ITCH: variants seen among roughly 807,000 people sequenced by gnomAD.
ITCH encodes itchy E3 ubiquitin protein ligase.
Under a neutral mutation model 126.8 loss-of-function variants are expected in ITCH, and 28 were observed. That is an observed-to-expected ratio of 0.22 (90% confidence interval 0.16 to 0.30). The LOEUF (loss-of-function observed/expected upper bound fraction) is 0.30. Among genes scored for constraint, ITCH ranks in the 10% least tolerant of loss-of-function variants. The pLI, the probability that ITCH is intolerant of heterozygous loss-of-function variation, is 1.00. For synonymous variants in ITCH, 342 were observed against 340.0 expected (o/e 1.01, Z -0.06); for missense variants, 631 against 1,032.4 (o/e 0.61, Z 5.33).
intron 2 of ITCH, among the ~76,000 whole-genome samples, chr20:34,379,594 C>CTTTT (rs757940621): frequency 7.4e-6 from 1 of 135,534 alleles, no homozygotes. Flanking sequence ...AATATTTGTC[C>CTTTT]TTTTTTTTTT....
intron 6 of ITCH, among the ~76,000 whole-genome samples, chr20:34,417,918 A>AC (rs553561393): frequency 1.3e-3 from 200 of 151,224 alleles, no homozygotes; most frequent in Middle Eastern, 3.4e-3. Flanking sequence ...ATTGCCAAAG[A>AC]CTAATACTAG....
chr20:34,414,885 A>C (rs1979611963), intron 6 of ITCH, among the ~76,000 whole-genome samples: 1 of 152,164 alleles, frequency 6.6e-6, no homozygotes, highest in Non-Finnish European at 1.5e-5. Flanking sequence ...ATCTTTTGAC[A>C]ATACTAATTC....
intron 12 of ITCH, among the ~76,000 whole-genome samples, chr20:34,454,817 GTTTTTTTTT>G (rs200486269): frequency 9.1e-5 from 10 of 109,536 alleles, no homozygotes; most frequent in African/African-American, 1.9e-4. Context: ...TTCTTTTCCT[GTTTTTTTTT>G]TTTTTTTTTT....
At chr20:34,385,189 A>ATG (rs150658162) in intron 2 of ITCH, among the ~76,000 whole-genome samples, 3,223 of 100,906 alleles carry the variant, frequency 0.032, 97 homozygotes, top group African/African-American at 0.04. Context: ...AGCTAATTTT[A>ATG]TGTGTGTGTG....
intron 7 of ITCH, among the ~76,000 whole-genome samples, chr20:34,434,087 G>C (rs1233530683): frequency 6.6e-6 from 1 of 152,158 alleles, no homozygotes; most frequent in South Asian, 2.1e-4. Context: ...ACTAGCATGG[G>C]CAACATGGCA....
intron 7 of ITCH, among the ~76,000 whole-genome samples, chr20:34,428,411 T>A (rs900875038): frequency 6.6e-6 from 1 of 152,200 alleles, no homozygotes; most frequent in African/African-American, 2.4e-5. Context: ...TCAAGCACTG[T>A]CTGTATCATA....
At chr20:34,486,306 C>T (rs966370445) in intron 20 of ITCH, among the ~76,000 whole-genome samples, 1 of 151,932 alleles carries the variant, frequency 6.6e-6, no homozygotes, top group Non-Finnish European at 1.5e-5. Context: ...AGGCATGAGC[C>T]GCCGCATCCA....
At position 34,393,821 on chromosome 20, in the gene ITCH, A is replaced by G. The variant is rs764016207; in HGVS notation, c.10A>G (p.Ser4Gly). Reference protein sequence around the residue: MSDSGSQLGSMGSL... With the variant: MSDGGSQLGSMGSL... ...CCAACCTATTGGTGGTATGTCTGAC[A>G]GTGGATCACAACTTGGTTCAATGGG... Residue 4 changes from serine (S) to glycine (G), a missense_variant, in exon 3 of 25, where the codon AGT (serine) becomes GGT (glycine). Ser to Gly is a moderately conservative substitution (Grantham distance 56, BLOSUM62 0). Around this residue, in one of 4 missense-constraint regions of ITCH, gnomAD observed 19 missense variants for 17.5 expected, o/e 1.08. Transcript: ENST00000374864. 18 of 1,613,670 alleles carry G rather than the reference A, an allele frequency of 1.1e-5. No individual in the cohort carries two copies. The East Asian group carries it at 2.5e-4, about 22-fold the overall frequency.
chr20:34,476,207 G>A, intron 16 of ITCH: 2 of 801,234 alleles, frequency 2.5e-6, no homozygotes, highest in South Asian at 2.7e-5. Flanking sequence ...ACAACGTCTA[G>A]CAGAGAATCA....
intron 11 of ITCH, among the ~76,000 whole-genome samples, chr20:34,446,366 T>C (rs1248777046): frequency 2.0e-5 from 3 of 152,204 alleles, no homozygotes; most frequent in Non-Finnish European, 4.4e-5. Flanking sequence ...CGTATTCCTT[T>C]CCTAACTAGG....
intron 14 of ITCH, among the ~76,000 whole-genome samples, chr20:34,469,780 T>G (rs747226920): frequency 6.6e-6 from 1 of 152,220 alleles, no homozygotes; most frequent in African/African-American, 2.4e-5. Flanking sequence ...ACCCCTTTAC[T>G]TAGCCCTCTT....
rs369243749 is a variant in ITCH at position 34,371,507 on chromosome 20, C to G, written c.-22+2037C>G. ...CCACATTGGCCAGGCTGCTCTTGAA[C>G]TCCTGACCTCAGGTGATCTGCCCGC... On this transcript the variant is annotated intron_variant, in intron 2 of 24. Coordinates refer to ENST00000374864, the MANE Select transcript of ITCH (RefSeq NM_031483.7). 2.8e-3 allele frequency among the ~76,000 whole-genome samples: 428 copies of G among 152,038 alleles called. 2 individuals are homozygous for G. Among genetic ancestry groups the G allele is most frequent in the South Asian group, 0.027 (132 of 4,818 alleles).
At chr20:34,432,185 T>C (rs979732680) in intron 7 of ITCH, among the ~76,000 whole-genome samples, 2 of 152,172 alleles carry the variant, frequency 1.3e-5, no homozygotes, top group Non-Finnish European at 2.9e-5. Flanking sequence ...CGCCTTAGCT[T>C]ATCCCAAGAT....
chr20:34,407,266 CATT>C (rs1053406027), intron 3 of ITCH, among the ~76,000 whole-genome samples: 3 of 151,952 alleles, frequency 2.0e-5, no homozygotes, highest in African/African-American at 7.3e-5. Flanking sequence ...TCTAAATTAT[CATT>C]ATTATTATTA....
chr20:34,438,955 T>C (rs766294572), intron 8 of ITCH, among the ~76,000 whole-genome samples: 6 of 152,252 alleles, frequency 3.9e-5, no homozygotes, highest in Non-Finnish European at 7.3e-5. Context: ...TATTAAATAC[T>C]CAAGGATTTG....
chr20:34,369,189 G>A (rs1160586304), intron 1 of ITCH, among the ~76,000 whole-genome samples: 4 of 152,106 alleles, frequency 2.6e-5, no homozygotes, highest in Non-Finnish European at 5.9e-5. Flanking sequence ...TTAGCCAGGC[G>A]TGGGGGTGCA....
chr20:34,474,802 C>T (rs1987992365), intron 16 of ITCH, among the ~76,000 whole-genome samples: 1 of 151,586 alleles, frequency 6.6e-6, no homozygotes. Flanking sequence ...GGCTGACCCC[C>T]CCACCTCCCT....
chr20:34,417,160 G>C, intron 6 of ITCH: 2 of 677,918 alleles, frequency 3.0e-6, no homozygotes, highest in East Asian at 5.6e-5. Context: ...GCAATAGTGC[G>C]ATCTCGGCTC....
At chr20:34,470,146 A>G (rs774681278) in intron 15 of ITCH, 26 bp downstream of exon 15, 1 of 1,529,132 alleles carries the variant, frequency 6.5e-7, no homozygotes, top group Non-Finnish European at 8.9e-7. Flanking sequence ...GTATCTCTGT[A>G]CTGCCTTAAC....
Sources: gnomAD v4.1 joint callset for allele counts (sites outside exome capture counted in the v4.1 genomes callset) on GRCh38, gnomAD v4.1.1 for gene constraint, gnomAD v4.1.1 regional missense constraint, MANE v1.5 for transcripts, NCBI Gene and HGNC (gene_info 2026-07-23, HGNC 2026-07-21) for gene names.